The following UBR4 variants were observed in gnomAD, a reference collection of about 807,000 sequenced individuals.
UBR4 encodes E3 ubiquitin-protein ligase UBR4.
UBR4 carries 124 observed loss-of-function variants against 575.6 expected under a neutral mutation model. The ratio of observed to expected loss-of-function variants is 0.22; its 90% CI spans 0.19 to 0.25. The LOEUF is 0.25. Ranked by LOEUF, UBR4 falls within the 10% of genes least tolerant of loss-of-function variation. UBR4 has a pLI of 1.00. For synonymous variants in UBR4, 2,455 were observed against 2,473.7 expected (o/e 0.99, Z 0.22); for missense variants, 4,818 against 6,478.8 (o/e 0.74, Z 8.80).
At chr1:19,134,679 T>G (rs545483711) in intron 60 of UBR4, among the ~76,000 whole-genome samples, 111 of 151,788 alleles carry the variant, frequency 7.3e-4, no homozygotes, top group African/African-American at 2.6e-3. Context: ...CTTCCTCAAG[T>G]GGGGAAGGTC....
intron 20 of UBR4, among the ~76,000 whole-genome samples, chr1:19,175,336 C>T (rs981509253): frequency 6.8e-5 from 10 of 146,594 alleles, no homozygotes; most frequent in East Asian, 1.9e-4. Context: ...AGAACCATTG[C>T]TCTAAGAGTT....
intron 58 of UBR4, 37 bp downstream of exon 58, chr1:19,140,750 TG>T: frequency 1.3e-6 from 2 of 1,590,014 alleles, no homozygotes. Context: ...CTGAGGGTCC[TG>T]GGGCCCTGAG....
At position 19,088,257 on chromosome 1, in the gene UBR4, A is replaced by G. The variant is rs1262133722; in HGVS notation, c.14431-328T>C. ...CTCAGCTTCCAAGGGTTGTTGCACTATGATTCATTCACTGTTCCCAGGTGA... is the reference window on the plus strand; with the variant it reads ...CTCAGCTTCCAAGGGTTGTTGCACTGTGATTCATTCACTGTTCCCAGGTGA... On this transcript the variant is annotated intron_variant, in intron 98 of 105. Transcript: ENST00000375254. This position sits in a 1 kb window ranked among gnomAD's most constrained non-coding sequence, Gnocchi z 4.0. Among the ~76,000 whole-genome samples, 2 of 152,230 alleles carry G rather than the reference A, an allele frequency of 1.3e-5. No individual in the cohort carries two copies. The highest frequency in any genetic ancestry group is 2.9e-5 in the Non-Finnish European group (2 of 68,044).
At chr1:19,118,799 C>T in intron 71 of UBR4, 73 bp downstream of exon 71, 3 of 1,473,038 alleles carry the variant, frequency 2.0e-6, no homozygotes, top group South Asian at 2.3e-5. Flanking sequence ...TATGTAAGAG[C>T]CTATCACCAT....
In UBR4 at chr1:19,107,060, T is replaced by G; in HGVS notation, c.12106-94A>C. ...GGCACTGGTGCCCCAGGGGGTGATG[T>G]GCAAAGGCAAGAAGATCAGGAGGAT... On this transcript the variant is annotated intron_variant, in intron 81 of 105. Coordinates refer to ENST00000375254, the MANE Select transcript of UBR4 (RefSeq NM_020765.3). 3 of 1,533,246 alleles carry G rather than the reference T, an allele frequency of 2.0e-6. No homozygotes were observed. In the South Asian group the frequency reaches 3.6e-5, roughly 18 times the overall value. The allele number at this position is 1,533,246 out of a possible 1,614,324, so 95.0% of individuals were successfully genotyped here. A position where few individuals can be genotyped will look rare whatever the true frequency, so the allele number is the denominator to read the frequency against.
Position 19,160,176 on chromosome 1 carries a change from C to T in UBR4, c.5512G>A (p.Ala1838Thr), listed in dbSNP as rs1405509897. Residue 1838 changes from alanine to threonine, a missense_variant, in exon 39 of 106, where the codon GCT becomes ACT. Around this residue, in one of 29 missense-constraint regions of UBR4, gnomAD observed 159 missense variants for 174.6 expected, o/e 0.91. Transcript: ENST00000375254. ...QASAVGSSSRAQQALSELHTV... is the reference protein window; with the variant it reads ...QASAVGSSSRTQQALSELHTV... The stretch of plus-strand genomic sequence containing the variant: ...TGTAGCTCACTGAGGGCTTGCTGAG[C>T]ACGGCTGCTGCTCCCGACGGCTGAA... 1 of 1,613,944 alleles carries T rather than the reference C, an allele frequency of 6.2e-7. No individual in the cohort carries two copies. The highest frequency in any genetic ancestry group is 1.7e-5 in the Admixed American group (1 of 59,998).
chr1:19,170,897 A>G lies in UBR4; in HGVS notation c.3522-14T>C, dbSNP rs1291429271. ...AGCAAATAGGCTCTGGGGAAAAAAC[A>G]GGGGGAAAGTGAAGCCATAAGATTC... On this transcript the variant is annotated splice_polypyrimidine_tract_variant and intron_variant, in intron 25 of 105. Coordinates refer to ENST00000375254, the MANE Select transcript of UBR4 (RefSeq NM_020765.3). The G allele has an allele frequency of 5.0e-6, 8 of 1,613,024 alleles. No individual in the cohort carries two copies. The highest frequency in any genetic ancestry group is 1.7e-4 in the Middle Eastern group (1 of 6,058).
chr1:19,097,827 CAG>C (rs1420406658), intron 90 of UBR4, among the ~76,000 whole-genome samples: 3 of 152,180 alleles, frequency 2.0e-5, no homozygotes, highest in Admixed American at 6.5e-5. Context: ...TCTTTACCTA[CAG>C]AGATTCAGAC....
intron 14 of UBR4, among the ~76,000 whole-genome samples, chr1:19,185,573 C>CT (rs3068081): frequency 0.022 from 2,853 of 128,564 alleles, 75 homozygotes; most frequent in African/African-American, 0.065. Flanking sequence ...TTTCTTTTTT[C>CT]TTTTTTTTTT....
chr1:19,152,268 A>C lies in UBR4; in HGVS notation c.6996+45T>G. On this transcript the variant is annotated intron_variant, in intron 47 of 105. Coordinates refer to ENST00000375254, the MANE Select transcript of UBR4 (RefSeq NM_020765.3). The surrounding 1 kb of genome is among the most constrained non-coding windows in gnomAD (Gnocchi z 4.4). ...ATGTGTTCTCAAACCATATTGTTTG[A>C]GTCCTTCTACCCAGGGATTGATCCC... 6.2e-7 allele frequency: 1 copy of C among 1,607,408 alleles called. No homozygotes were observed. The highest frequency in any genetic ancestry group is 8.5e-7 in the Non-Finnish European group (1 of 1,174,876).
chr1:19,114,760 A>G (rs1220470224), intron 75 of UBR4, 51 bp downstream of exon 75: 2 of 1,606,470 alleles, frequency 1.2e-6, no homozygotes, highest in Admixed American at 1.7e-5. Context: ...AGGTCTGCCC[A>G]AAGTCCAGAT....
chr1:19,155,233 G>A (rs2086284443), intron 43 of UBR4, among the ~76,000 whole-genome samples, 158 bp from the exon 44 acceptor site: 1 of 152,100 alleles, frequency 6.6e-6, no homozygotes, highest in South Asian at 2.1e-4. Context: ...GAGAAAAATG[G>A]AACTTGAAGT....
Position 19,143,998 on chromosome 1 carries a change from G to C in UBR4, c.8161C>G (p.Arg2721Gly). The C allele has an allele frequency of 6.2e-7, 1 of 1,613,758 alleles. No individual in the cohort carries two copies. The highest frequency in any genetic ancestry group is 8.5e-7 in the Non-Finnish European group (1 of 1,179,734). Residue 2721 changes from arginine (R) to glycine (G), a missense_variant, in exon 55 of 106, where the codon CGA becomes GGA. Physicochemically the swap from Arg to Gly is moderately radical, Grantham distance 125. This residue lies in a region of UBR4 where 129 missense variants were observed against 198.4 expected (regional missense o/e 0.65). Transcript: ENST00000375254. ...RRHVTLPSSPRSNTPMGDKDD... is the reference protein window; with the variant it reads ...RRHVTLPSSPGSNTPMGDKDD... The stretch of plus-strand genomic sequence containing the variant: ...ATATTACCCATTGGAGTGTTGCTTC[G>C]AGGGGAAGAGGGTAAAGTCACATGT...
intron 102 of UBR4, among the ~76,000 whole-genome samples, chr1:19,083,456 C>T (rs370423431): frequency 6.6e-6 from 1 of 152,306 alleles, no homozygotes; most frequent in East Asian, 1.9e-4. Context: ...AACAGGGAAC[C>T]GTAAGCCTCT....
intron 83 of UBR4, among the ~76,000 whole-genome samples, chr1:19,106,045 CT>C (rs1236636941): frequency 2.7e-4 from 41 of 152,242 alleles, no homozygotes; most frequent in African/African-American, 9.4e-4. Flanking sequence ...AGCCCTGCTT[CT>C]GCCTGGAGAC....
At chr1:19,096,044 G>A in intron 92 of UBR4, 1 of 218,824 alleles carries the variant, frequency 4.6e-6, no homozygotes, top group Admixed American at 5.4e-5. Flanking sequence ...TAAAACAAAG[G>A]CACAATAATA....
At position 19,155,406 on chromosome 1, in the gene UBR4, C is replaced by A. The variant is rs566132449; in HGVS notation, c.6300+35G>T. Reference sequence around the variant, plus strand: ...TAGAGGAGTTGCTAAATAATTAAATCCGGAATAGAAGGAAATAGCAACATG... The same window carrying A: ...TAGAGGAGTTGCTAAATAATTAAATACGGAATAGAAGGAAATAGCAACATG... On this transcript the variant is annotated intron_variant, in intron 43 of 105. Transcript: ENST00000375254. 4 of 1,579,040 alleles carry A rather than the reference C, an allele frequency of 2.5e-6. No individual in the cohort carries two copies. In the African/African-American group the frequency reaches 5.4e-5, roughly 21 times the overall value.
Position 19,173,200 on chromosome 1 carries a change from T to C in UBR4, c.3272A>G (p.Glu1091Gly), listed in dbSNP as rs756030392. 4 of 1,614,244 alleles carry C rather than the reference T, an allele frequency of 2.5e-6. No homozygotes were observed. The Admixed American group carries it at 6.7e-5, about 27-fold the overall frequency. The change falls in exon 24 of 106, where the codon GAG (glutamate) becomes GGG (glycine). Residue 1091 changes from glutamate (E) to glycine (G), a missense_variant. This residue lies in a region of UBR4 where 1,172 missense variants were observed against 1,259.7 expected (regional missense o/e 0.93). Coordinates refer to ENST00000375254, the MANE Select transcript of UBR4 (RefSeq NM_020765.3). ...SSVKYDVEIV[E>G]EYFARQISSF... Reference sequence around the variant, plus strand: ...ACATACCTGTCGAGCGAAGTATTCCTCTACTATTTCAACATCATATTTCAC... The same window carrying C: ...ACATACCTGTCGAGCGAAGTATTCCCCTACTATTTCAACATCATATTTCAC...
At chr1:19,114,136 C>T in intron 75 of UBR4, 66 bp from the exon 76 acceptor site, 1 of 1,567,582 alleles carries the variant, frequency 6.4e-7, no homozygotes, top group Non-Finnish European at 8.7e-7. Context: ...GAGTAATCCT[C>T]ACTGCTAACC....
Sources: allele counts gnomAD v4.1 joint callset (sites outside exome capture counted in the v4.1 genomes callset), GRCh38; gene constraint gnomAD v4.1.1; regional missense constraint gnomAD v4.1.1; non-coding constraint Gnocchi (gnomAD v3.1); transcripts MANE v1.5; gene names NCBI Gene and HGNC (gene_info 2026-07-23, HGNC 2026-07-21).